The following GPC6 variants were observed in gnomAD, a reference collection of about 807,000 sequenced individuals.
The protein encoded by GPC6 is glypican 6.
A neutral mutation model predicts 55.2 loss-of-function variants in GPC6; 14 were observed. That is an observed-to-expected ratio of 0.25 (90% confidence interval 0.17 to 0.40). The LOEUF (loss-of-function observed/expected upper bound fraction) is 0.40. Ranked by LOEUF, GPC6 falls within the 10% of genes least tolerant of loss-of-function variation. GPC6 has a pLI of 1.00. For missense variants in GPC6, 641 were observed against 708.5 expected, an observed-to-expected ratio of 0.90 and a Z score of 1.08; for synonymous variants, 278 against 259.6, an observed-to-expected ratio of 1.07 and a Z score of -0.68.
rs759685611 is a variant in GPC6 at position 93,565,947 on chromosome 13, GA to G, written c.319+20536del. Among the ~76,000 whole-genome samples, 277 of 122,382 alleles carry G rather than the reference GA, an allele frequency of 2.3e-3. 3 individuals carry two copies. The highest frequency in any genetic ancestry group is 7.4e-3 in the African/African-American group (255 of 34,330). The allele number at this position is 122,382 out of a possible 152,430, so 80.3% of individuals were successfully genotyped here. A position where few individuals can be genotyped will look rare whatever the true frequency, so the allele number is the denominator to read the frequency against. ...AAAACAAACAAACAAAAAAAAAAAA[GA>G]AAAAAAAAACACATCTGGTCACTAT... is the stretch of plus-strand genomic sequence containing the variant. On this transcript the variant is annotated intron_variant, in intron 2 of 8. Transcript: ENST00000377047.
intron 3 of GPC6, among the ~76,000 whole-genome samples, chr13:93,867,683 T>C (rs900380184): frequency 2.0e-5 from 3 of 151,844 alleles, no homozygotes; most frequent in Admixed American, 6.6e-5. Context: ...CCTATTTGCT[T>C]CTCCTGCTCC....
intron 1 of GPC6, among the ~76,000 whole-genome samples, chr13:93,506,648 TG>T (rs2139378347): frequency 6.6e-6 from 1 of 152,188 alleles, no homozygotes; most frequent in Admixed American, 6.5e-5. Flanking sequence ...AGACAATTAA[TG>T]GTTCCATAAC....
At chr13:93,973,772 G>A (rs1455566439) in intron 3 of GPC6, among the ~76,000 whole-genome samples, 1 of 152,026 alleles carries the variant, frequency 6.6e-6, no homozygotes, top group Non-Finnish European at 1.5e-5. Flanking sequence ...AGAGATGATC[G>A]ATTCTCCCAT....
At chr13:93,534,434 G>A (rs1205627171) in intron 1 of GPC6, among the ~76,000 whole-genome samples, 1 of 152,150 alleles carries the variant, frequency 6.6e-6, no homozygotes, top group East Asian at 1.9e-4. Flanking sequence ...GCATCGCAAG[G>A]TCCCTGAGTG....
chr13:93,559,220 T>C (rs893142504), intron 2 of GPC6, among the ~76,000 whole-genome samples: 1 of 152,192 alleles, frequency 6.6e-6, no homozygotes, highest in Non-Finnish European at 1.5e-5. Flanking sequence ...CATCTCAGTA[T>C]GTGAAATCAG....
At chr13:93,274,197 A>G (rs1196154522) in intron 1 of GPC6, among the ~76,000 whole-genome samples, 2 of 152,192 alleles carry the variant, frequency 1.3e-5, no homozygotes, top group South Asian at 2.1e-4. Context: ...CTACAGATGT[A>G]TTCATTAATT....
At chr13:93,985,962 C>T (rs1000828593) in intron 3 of GPC6, among the ~76,000 whole-genome samples, 1 of 152,040 alleles carries the variant, frequency 6.6e-6, no homozygotes, top group African/African-American at 2.4e-5. Context: ...CCAGTTGTGA[C>T]ATTTTCCCCC....
At chr13:93,335,678 G>T (rs1455691122) in intron 1 of GPC6, among the ~76,000 whole-genome samples, 1 of 152,126 alleles carries the variant, frequency 6.6e-6, no homozygotes, top group Non-Finnish European at 1.5e-5. Flanking sequence ...TTGAGTCCTT[G>T]GGAGATTTCC....
At chr13:94,167,570 A>G (rs995540517) in intron 4 of GPC6, among the ~76,000 whole-genome samples, 1 of 152,204 alleles carries the variant, frequency 6.6e-6, no homozygotes, top group East Asian at 1.9e-4. Flanking sequence ...AATGTGGAAT[A>G]GGAGAGAGTT....
At chr13:93,535,938 G>T (rs1882045858) in intron 1 of GPC6, among the ~76,000 whole-genome samples, 2 of 152,080 alleles carry the variant, frequency 1.3e-5, no homozygotes, top group Admixed American at 1.3e-4. Flanking sequence ...CTGTATGTTT[G>T]GGAATGTCAC....
intron 3 of GPC6, among the ~76,000 whole-genome samples, chr13:94,018,510 C>T (rs916224078): frequency 6.6e-6 from 1 of 152,060 alleles, no homozygotes; most frequent in Non-Finnish European, 1.5e-5. Context: ...AGGCTGGTCT[C>T]GAACTCCTGA....
At chr13:94,033,498 T>C (rs1883213182) in intron 4 of GPC6, among the ~76,000 whole-genome samples, 2 of 152,234 alleles carry the variant, frequency 1.3e-5, no homozygotes, top group Admixed American at 1.3e-4. Context: ...AATAAACATT[T>C]ATTGTTTCTA....
chr13:93,738,245 T>A (rs1230814594), intron 2 of GPC6, among the ~76,000 whole-genome samples: 1 of 152,186 alleles, frequency 6.6e-6, no homozygotes, highest in East Asian at 1.9e-4. Flanking sequence ...CATTATTATA[T>A]TTTTCATATG....
chr13:93,740,402 T>G (rs1324466951), intron 2 of GPC6, among the ~76,000 whole-genome samples: 1 of 152,214 alleles, frequency 6.6e-6, no homozygotes, highest in Non-Finnish European at 1.5e-5. Context: ...GACAAGTGTT[T>G]TCTTAAAGCA....
chr13:93,931,765 G>GAAAAAAA (rs545578327), intron 3 of GPC6, among the ~76,000 whole-genome samples: 2 of 49,712 alleles, frequency 4.0e-5, no homozygotes, highest in African/African-American at 6.8e-5. Flanking sequence ...CTCTGTCTCA[G>GAAAAAAA]AAAAAAAAAA....
At chr13:94,039,611 G>T (rs1435397371) in intron 4 of GPC6, among the ~76,000 whole-genome samples, 1 of 151,936 alleles carries the variant, frequency 6.6e-6, no homozygotes, top group African/African-American at 2.4e-5. Flanking sequence ...TTGAGAAACA[G>T]TGGGACCAAA....
intron 4 of GPC6, among the ~76,000 whole-genome samples, chr13:94,070,274 A>T (rs929081279): frequency 6.6e-6 from 1 of 152,042 alleles, no homozygotes; most frequent in Non-Finnish European, 1.5e-5. Flanking sequence ...GGAAAGACCC[A>T]CCTCCATGAC....
At chr13:93,999,372 T>C (rs1486318579) in intron 3 of GPC6, among the ~76,000 whole-genome samples, 2 of 152,210 alleles carry the variant, frequency 1.3e-5, no homozygotes, top group African/African-American at 4.8e-5. Context: ...ATCTTTTTTA[T>C]GGCTGCATAG....
chr13:94,237,209 A>G (rs1890905376), intron 4 of GPC6, among the ~76,000 whole-genome samples: 1 of 152,158 alleles, frequency 6.6e-6, no homozygotes, highest in Non-Finnish European at 1.5e-5. Flanking sequence ...GAATTGGTAC[A>G]GAGAAGAGCA....
Sources: gnomAD v4.1 joint callset for allele counts (sites outside exome capture counted in the v4.1 genomes callset) on GRCh38, gnomAD v4.1.1 for gene constraint, MANE v1.5 for transcripts, NCBI Gene and HGNC (gene_info 2026-07-23, HGNC 2026-07-21) for gene names.